The following MAK variants were observed in gnomAD, a reference collection of about 807,000 sequenced individuals.
MAK encodes the protein male germ cell associated kinase.
Under a neutral mutation model 82.6 loss-of-function variants are expected in MAK, and 65 were observed. That is an observed-to-expected ratio of 0.79 (90% CI 0.64 to 0.97). The LOEUF is 0.97. MAK is among the 50% of genes least tolerant of loss of function. MAK has a pLI of 0.00. For missense variants in MAK, 703 were observed against 780.2 expected (o/e 0.90, Z 1.18); for synonymous variants, 250 against 274.2 (o/e 0.91, Z 0.87).
Position 10,800,601 on chromosome 6 carries a change from A to G in MAK, c.831+1291T>C, listed in dbSNP as rs1775941909. On this transcript the variant is annotated intron_variant, in intron 8 of 14. Transcript: ENST00000354489. This position sits in a 1 kb window ranked among gnomAD's most constrained non-coding sequence, Gnocchi z 4.2. ...ACACCTGTAATCCCAGCACTTTGGG[A>G]GGCCAAGGAGGGCAGATCACCTGAG... is the stretch of plus-strand genomic sequence containing the variant. Among the ~76,000 whole-genome samples the G allele has an allele frequency of 6.6e-6, 1 of 151,844 alleles. No individual in the cohort carries two copies. Among genetic ancestry groups the G allele is most frequent in the Non-Finnish European group, 1.5e-5 (1 of 67,988 alleles).
intron 2 of MAK, among the ~76,000 whole-genome samples, chr6:10,828,393 C>T (rs1363276936): frequency 6.6e-6 from 1 of 152,156 alleles, no homozygotes; most frequent in Non-Finnish European, 1.5e-5. Flanking sequence ...CTCTTGCCAA[C>T]AGCCAGTACA....
rs115632158 is a variant in MAK at position 10,810,735 on chromosome 6, A to T, written c.359-1793T>A. Among the ~76,000 whole-genome samples the T allele has an allele frequency of 2.3e-3, 348 of 152,272 alleles. 2 individuals carry two copies. The highest frequency in any genetic ancestry group is 8.0e-3 in the African/African-American group (334 of 41,552). On this transcript the variant is annotated intron_variant, in intron 5 of 14. Transcript: ENST00000354489. Reference sequence around the variant, plus strand: ...ATCTGTTTAACAGTTTTGTAATCTGAGTTTATCCAGTACTTCTTACTCTAA... The same window carrying T: ...ATCTGTTTAACAGTTTTGTAATCTGTGTTTATCCAGTACTTCTTACTCTAA...
chr6:10,826,005 TCAA>T (rs1443253235), intron 2 of MAK, among the ~76,000 whole-genome samples: 2 of 152,130 alleles, frequency 1.3e-5, no homozygotes, highest in African/African-American at 4.8e-5. Flanking sequence ...TTTGATCACA[TCAA>T]CAATTCTGCT....
At chr6:10,809,033 C>T in intron 5 of MAK, 91 bp from the exon 6 acceptor site, 1 of 1,144,370 alleles carries the variant, frequency 8.7e-7, no homozygotes, top group East Asian at 2.4e-5. Context: ...AAATGAACCC[C>T]CTCTTTTATA....
At chr6:10,788,243 C>T (rs1486079031) in intron 10 of MAK, among the ~76,000 whole-genome samples, 3 of 152,066 alleles carry the variant, frequency 2.0e-5, no homozygotes, top group South Asian at 2.1e-4. Context: ...CCACCTACCT[C>T]GGCCTCCTAA....
intron 1 of MAK, among the ~76,000 whole-genome samples, chr6:10,837,475 C>T (rs1029209766): frequency 6.6e-6 from 1 of 152,232 alleles, no homozygotes; most frequent in Admixed American, 6.5e-5. Flanking sequence ...CTTTCTCCCT[C>T]CCGGTCAAGC....
chr6:10,766,663 A>G (rs1048872006), intron 14 of MAK, among the ~76,000 whole-genome samples: 1 of 152,192 alleles, frequency 6.6e-6, no homozygotes, highest in Non-Finnish European at 1.5e-5. Flanking sequence ...TCAAACTGGT[A>G]GCAGGGGTAG....
intron 4 of MAK, among the ~76,000 whole-genome samples, chr6:10,815,006 C>T (rs1380282499): frequency 6.0e-5 from 9 of 150,534 alleles, no homozygotes; most frequent in African/African-American, 1.5e-4. Flanking sequence ...CACTTCACTC[C>T]AGCCTGGGTG....
chr6:10,823,234 C>T (rs1013393109), intron 2 of MAK, among the ~76,000 whole-genome samples: 2 of 152,148 alleles, frequency 1.3e-5, no homozygotes, highest in Non-Finnish European at 2.9e-5. Context: ...TGCTTCTCAA[C>T]GTAATTCTGA....
At chr6:10,819,633 T>G (rs1367735488) in intron 2 of MAK, among the ~76,000 whole-genome samples, 1 of 151,766 alleles carries the variant, frequency 6.6e-6, no homozygotes, top group African/African-American at 2.4e-5. Flanking sequence ...ATGGCTTTCT[T>G]GAATTTTGTT....
chr6:10,792,719 G>A (rs956426750), intron 9 of MAK, among the ~76,000 whole-genome samples: 1 of 152,164 alleles, frequency 6.6e-6, no homozygotes, highest in African/African-American at 2.4e-5. Context: ...ACCTATGTTG[G>A]GTGCAGGGAG....
chr6:10,765,440 A>ATTTTTTTTTTTTTTTTTTTTTTTTTTTT, intron 14 of MAK, among the ~76,000 whole-genome samples: 1 of 130,646 alleles, frequency 7.7e-6, no homozygotes, highest in African/African-American at 3.3e-5. Flanking sequence ...TAGAATGAAG[A>ATTTTTTTTTTTTTTTTTTTTTTTTTTTT]TTTTTTTTTT....
intron 4 of MAK, among the ~76,000 whole-genome samples, chr6:10,815,573 T>C (rs530434464): frequency 2.0e-5 from 3 of 152,080 alleles, no homozygotes; most frequent in East Asian, 3.9e-4. Flanking sequence ...CAGTGAGCCA[T>C]GTTTGCACCA....
intron 14 of MAK, among the ~76,000 whole-genome samples, chr6:10,768,874 G>T (rs1429909113): frequency 6.6e-6 from 1 of 152,126 alleles, no homozygotes; most frequent in African/African-American, 2.4e-5. Context: ...ATAAGATAGT[G>T]GTTAGGATAG....
rs1777131868 is a variant in MAK at position 10,813,118 on chromosome 6, ATATATATATATATATAAATTTTTT to A, written c.358+502_358+525del. Among the ~76,000 whole-genome samples, 15 of 3,238 alleles carry A rather than the reference ATATATATATATATATAAATTTTTT, an allele frequency of 4.6e-3. 1 individual carries two copies. Among genetic ancestry groups the A allele is most frequent in the African/African-American group, 0.014 (8 of 578 alleles). 2.1% of individuals were successfully genotyped at this position (3,238 alleles called of 152,430 possible). A position where few individuals can be genotyped will look rare whatever the true frequency, so the allele number is the denominator to read the frequency against. ...TATATATATATATATATATATATAT[ATATATATATATATATAAATTTTTT>A]TTTTTTTTTTTTTTTTTTTTTTTTG... is the stretch of plus-strand genomic sequence containing the variant. On this transcript the variant is annotated intron_variant, in intron 5 of 14. Transcript: ENST00000354489.
chr6:10,812,051 T>A (rs1289863947), intron 5 of MAK, among the ~76,000 whole-genome samples: 1 of 151,714 alleles, frequency 6.6e-6, no homozygotes, highest in Non-Finnish European at 1.5e-5. Flanking sequence ...AAGAAAAAAA[T>A]TAGCTGGGTG....
chr6:10,764,816 G>T (rs489722), intron 14 of MAK, among the ~76,000 whole-genome samples: 104,517 of 152,100 alleles, frequency 0.69, 37,646 homozygotes, highest in East Asian at 0.91. Flanking sequence ...TAGCTGGCCG[G>T]GCGCAGTGGC....
At chr6:10,818,626 A>G (rs1186202257) in intron 3 of MAK, among the ~76,000 whole-genome samples, 1 of 152,030 alleles carries the variant, frequency 6.6e-6, no homozygotes, top group Non-Finnish European at 1.5e-5. Context: ...AAAAAAAAAA[A>G]AAAAAGTTGT....
At chr6:10,834,052 G>A (rs1002728537) in intron 1 of MAK, among the ~76,000 whole-genome samples, 2 of 152,008 alleles carry the variant, frequency 1.3e-5, no homozygotes, top group Admixed American at 6.5e-5. Context: ...GTTTTGTTTT[G>A]TACTACGTTA....
Sources: gnomAD v4.1 joint callset for allele counts (sites outside exome capture counted in the v4.1 genomes callset) on GRCh38, gnomAD v4.1.1 for gene constraint, Gnocchi (gnomAD v3.1) non-coding constraint, MANE v1.5 for transcripts, NCBI Gene and HGNC (gene_info 2026-07-23, HGNC 2026-07-21) for gene names.